Variants in CNTNAP5 observed in about 807,000 individuals in gnomAD.
CNTNAP5 encodes the protein contactin associated protein family member 5, also known as contactin-associated protein-like 5.
In CNTNAP5, 72 loss-of-function variants were observed where a neutral mutation model predicts 150.2. That is an observed-to-expected ratio of 0.48 (90% CI 0.40 to 0.58). CNTNAP5 has a LOEUF of 0.58. Ranked by LOEUF, CNTNAP5 falls within the 20% of genes least tolerant of loss-of-function variation. The pLI is 0.00. For synonymous variants in CNTNAP5, 672 were observed against 619.8 expected, an observed-to-expected ratio of 1.08 and a Z score of -1.25; for missense variants, 1,636 against 1,626.2, an observed-to-expected ratio of 1.01 and a Z score of -0.10.
At chr2:124,247,581 A>G (rs1452552096) in intron 3 of CNTNAP5, among the ~76,000 whole-genome samples, 1 of 124,862 alleles carries the variant, frequency 8.0e-6, no homozygotes, top group African/African-American at 2.6e-5. Context: ...CAAAAATTCA[A>G]TAAATATACA....
chr2:124,383,205 G>T (rs1351155918), intron 3 of CNTNAP5, among the ~76,000 whole-genome samples: 1 of 152,128 alleles, frequency 6.6e-6, no homozygotes, highest in Non-Finnish European at 1.5e-5. Context: ...AGTTCCTCAG[G>T]TTTGTAGAGC....
At chr2:124,578,226 A>C (rs2104946044) in intron 11 of CNTNAP5, among the ~76,000 whole-genome samples, 1 of 148,362 alleles carries the variant, frequency 6.7e-6, no homozygotes, top group Non-Finnish European at 1.5e-5. Flanking sequence ...GCTACCTGGG[A>C]GGCTGAGACA....
intron 19 of CNTNAP5, among the ~76,000 whole-genome samples, chr2:124,811,538 A>T (rs1682218964): frequency 6.6e-6 from 1 of 152,224 alleles, no homozygotes; most frequent in African/African-American, 2.4e-5. Context: ...AAGACACATA[A>T]GATGACTATG....
chr2:124,286,326 C>A (rs1470134562), intron 3 of CNTNAP5, among the ~76,000 whole-genome samples: 1 of 152,154 alleles, frequency 6.6e-6, no homozygotes, highest in African/African-American at 2.4e-5. Context: ...CATGAACTGC[C>A]CCTTGGAAGC....
intron 1 of CNTNAP5, among the ~76,000 whole-genome samples, chr2:124,149,416 A>C (rs1030968098): frequency 6.6e-6 from 1 of 151,342 alleles, no homozygotes; most frequent in Non-Finnish European, 1.5e-5. Context: ...AAAAAAAAAA[A>C]AAAAAAAAAA....
intron 3 of CNTNAP5, among the ~76,000 whole-genome samples, chr2:124,339,829 T>C (rs1689566291): frequency 6.6e-6 from 1 of 152,042 alleles, no homozygotes; most frequent in Admixed American, 6.6e-5. Context: ...TGGTTGGAGA[T>C]GAAATCACAG....
chr2:124,786,398 A>AAGGAAGGAAG (rs1553442120), intron 17 of CNTNAP5, among the ~76,000 whole-genome samples: 16 of 45,216 alleles, frequency 3.5e-4, no homozygotes, highest in African/African-American at 4.9e-4. Flanking sequence ...AAAGAAAGAA[A>AAGGAAGGAAG]GAAGGAAGGA....
intron 7 of CNTNAP5, among the ~76,000 whole-genome samples, chr2:124,487,619 C>T (rs1296060604): frequency 6.6e-6 from 1 of 151,868 alleles, no homozygotes; most frequent in Non-Finnish European, 1.5e-5. Flanking sequence ...ATTATATGTG[C>T]CCATACACAC....
intron 1 of CNTNAP5, among the ~76,000 whole-genome samples, chr2:124,103,641 G>A (rs987059558): frequency 6.6e-6 from 1 of 151,954 alleles, no homozygotes; most frequent in Non-Finnish European, 1.5e-5. Context: ...TGTAGCCTAG[G>A]AGCAATAAGC....
chr2:124,250,623 G>A (rs972162597), intron 3 of CNTNAP5, among the ~76,000 whole-genome samples: 5 of 151,944 alleles, frequency 3.3e-5, no homozygotes, highest in African/African-American at 4.8e-5. Context: ...GGGACCATTC[G>A]CATAGAGTCC....
At chr2:124,222,504 C>G (rs1686347303) in intron 2 of CNTNAP5, among the ~76,000 whole-genome samples, 1 of 151,982 alleles carries the variant, frequency 6.6e-6, no homozygotes, top group South Asian at 2.1e-4. Context: ...TTTTTAAGGA[C>G]TTTTAGGTAT....
chr2:124,629,936 C>CAAAAAAAAAAA lies in CNTNAP5; in HGVS notation c.1877-17813_1877-17803dup, dbSNP rs70996084. Among the ~76,000 whole-genome samples the CAAAAAAAAAAA allele has an allele frequency of 3.0e-4, 20 of 67,748 alleles. 1 individual carries two copies. The highest frequency in any genetic ancestry group is 7.0e-4 in the African/African-American group (16 of 22,792). 44.4% of individuals were successfully genotyped at this position (67,748 alleles called of 152,430 possible). On this transcript the variant is annotated intron_variant, in intron 12 of 23. Coordinates refer to ENST00000682447, the MANE Select transcript of CNTNAP5 (RefSeq NM_001367498.1). ...AGAGAATACTATAAACACCTCTATG[C>CAAAAAAAAAAA]AAAAAAAAAAAAAAAAAAACTGGAA... is the stretch of plus-strand genomic sequence containing the variant.
At chr2:124,075,295 CCTTT>C (rs1388065101) in intron 1 of CNTNAP5, among the ~76,000 whole-genome samples, 2 of 152,212 alleles carry the variant, frequency 1.3e-5, no homozygotes, top group Middle Eastern at 3.4e-3. Flanking sequence ...CTGTCATACT[CCTTT>C]CTAAGTTGAG....
At chr2:124,088,151 G>C (rs1682735902) in intron 1 of CNTNAP5, among the ~76,000 whole-genome samples, 1 of 152,070 alleles carries the variant, frequency 6.6e-6, no homozygotes, top group African/African-American at 2.4e-5. Context: ...TTTCAGATTG[G>C]ATAAGTTTTA....
intron 11 of CNTNAP5, among the ~76,000 whole-genome samples, chr2:124,590,780 T>C (rs1448479459): frequency 6.6e-6 from 1 of 152,194 alleles, no homozygotes; most frequent in Non-Finnish European, 1.5e-5. Flanking sequence ...CTCAGCTTCT[T>C]GTCTATTTCT....
chr2:124,797,793 G>A (rs1371500831), intron 18 of CNTNAP5, among the ~76,000 whole-genome samples: 1 of 152,184 alleles, frequency 6.6e-6, no homozygotes, highest in Non-Finnish European at 1.5e-5. Flanking sequence ...CAGGCAAGTG[G>A]TCATTATTTT....
chr2:124,909,301 A>C (rs1331544661), intron 22 of CNTNAP5, among the ~76,000 whole-genome samples: 1 of 152,176 alleles, frequency 6.6e-6, no homozygotes, highest in Non-Finnish European at 1.5e-5. Context: ...ATAGTTGCTT[A>C]TAGTATTCAC....
At chr2:124,387,091 G>C (rs1182708481) in intron 3 of CNTNAP5, among the ~76,000 whole-genome samples, 5 of 152,108 alleles carry the variant, frequency 3.3e-5, no homozygotes, top group Admixed American at 1.3e-4. Flanking sequence ...CAAAACTATG[G>C]GAAATAAATG....
chr2:124,449,760 G>T (rs537941508), intron 6 of CNTNAP5, among the ~76,000 whole-genome samples: 6 of 152,268 alleles, frequency 3.9e-5, no homozygotes, highest in African/African-American at 1.4e-4. Context: ...CAGCCAGCTT[G>T]CTCCAATGAT....
Sources: gnomAD v4.1 joint callset for allele counts (sites outside exome capture counted in the v4.1 genomes callset) on GRCh38, gnomAD v4.1.1 for gene constraint, MANE v1.5 for transcripts, NCBI Gene and HGNC (gene_info 2026-07-23, HGNC 2026-07-21) for gene names.